Variants in MACF1 observed in about 807,000 individuals in gnomAD.
The protein encoded by MACF1 is microtubule-actin cross-linking factor 1.
A neutral mutation model predicts 854.8 loss-of-function variants in MACF1; 193 were observed. That is an observed-to-expected ratio of 0.23 (90% CI 0.20 to 0.25). MACF1 has a LOEUF of 0.25. Among genes scored for constraint, MACF1 ranks in the 10% least tolerant of loss-of-function variants. MACF1 has a pLI of 1.00. For synonymous variants in MACF1, 3,185 were observed against 3,226.7 expected (o/e 0.99, Z 0.44); for missense variants, 7,722 against 8,929.1 (o/e 0.86, Z 5.45).
rs573301716 is a variant in MACF1 at position 39,486,773 on chromosome 1, G to A, written c.*979G>A. The A allele has an allele frequency of 1.0e-4, 16 of 152,680 alleles. No homozygotes were observed. The highest frequency in any genetic ancestry group is 5.9e-4 in the Admixed American group (9 of 15,296). 9.5% of individuals were successfully genotyped at this position (152,680 alleles called of 1,614,324 possible). The stretch of plus-strand genomic sequence containing the variant: ...TTGTTAACCAGTCCTGTTTGCTTTC[G>A]TCTTTTTTTGTGCGTAATAAAGTCA... On this transcript the variant is annotated 3_prime_UTR_variant, in exon 101 of 101. Coordinates refer to ENST00000564288, the MANE Select transcript of MACF1 (RefSeq NM_001394062.1).
chr1:39,258,561 A>G (rs577951434), intron 6 of MACF1, among the ~76,000 whole-genome samples: 11 of 152,368 alleles, frequency 7.2e-5, no homozygotes, highest in African/African-American at 2.2e-4. Flanking sequence ...GAATATTCAC[A>G]TGGTCACATG....
intron 40 of MACF1, among the ~76,000 whole-genome samples, chr1:39,342,147 A>G (rs1304748452): frequency 3.3e-5 from 5 of 149,382 alleles, no homozygotes; most frequent in Admixed American, 2.0e-4. Flanking sequence ...AGAACATGCC[A>G]TATTTGGCTT....
chr1:39,326,005 A>T (rs1471007470), intron 35 of MACF1, among the ~76,000 whole-genome samples: 2 of 151,928 alleles, frequency 1.3e-5, no homozygotes, highest in South Asian at 2.1e-4. Context: ...AGCAGAAGAG[A>T]CTGGTGGTTT....
chr1:39,302,591 C>A (rs1302336316), intron 22 of MACF1, among the ~76,000 whole-genome samples: 1 of 152,134 alleles, frequency 6.6e-6, no homozygotes, highest in African/African-American at 2.4e-5. Context: ...TATTCACCTT[C>A]CATTAGTTTT....
At chr1:39,136,516 A>G (rs1409497220) in intron 2 of MACF1, among the ~76,000 whole-genome samples, 1 of 152,056 alleles carries the variant, frequency 6.6e-6, no homozygotes, top group East Asian at 1.9e-4. Flanking sequence ...GCCTGAGGGG[A>G]CTGCAGTGGC....
chr1:39,335,719 C>G lies in MACF1; in HGVS notation c.9131C>G (p.Ser3044Cys), dbSNP rs748076748. The change falls in exon 37 of 101, where the codon TCC becomes TGC. Residue 3044 changes from serine to cysteine, a missense_variant. By Grantham distance (112) the Ser-to-Cys change is moderately radical. Coordinates refer to ENST00000564288, the MANE Select transcript of MACF1 (RefSeq NM_001394062.1). ...TCTATTACTTTTAAAATTGAAGAGT[C>G]CTCTTCCCAAGTGGTACCTCAAGGA... ...GFSITFKIEE[S>C]SSQVVPQGIS... is the part of the protein sequence containing the mutation. 1 of 1,613,640 alleles carries G rather than the reference C, an allele frequency of 6.2e-7. No homozygotes were observed. The highest frequency in any genetic ancestry group is 1.1e-5 in the South Asian group (1 of 90,944).
chr1:39,423,973 T>C, intron 60 of MACF1, 55 bp from the exon 61 acceptor site: 1 of 1,441,190 alleles, frequency 6.9e-7, no homozygotes, highest in Non-Finnish European at 9.5e-7. Context: ...TCTTTCTTCC[T>C]AGTTCAGATT....
Position 39,387,582 on chromosome 1 carries a change from G to T in MACF1, c.14740G>T (p.Asp4914Tyr). 6.2e-7 allele frequency: 1 copy of T among 1,614,168 alleles called. No homozygotes were observed. Among genetic ancestry groups the T allele is most frequent in the Non-Finnish European group, 8.5e-7 (1 of 1,180,048 alleles). ...KAQKYQWHVE[D>Y]LVPWIEDCKA... ...TCAGAAATATCAGTGGCATGTGGAA[G>T]ACCTTGTGCCATGGATAGAAGATTG... The change falls in exon 58 of 101, where the codon GAC (aspartate) becomes TAC (tyrosine). Residue 4914 changes from aspartate (D) to tyrosine (Y), a missense_variant. Around this residue, in one of 15 missense-constraint regions of MACF1, gnomAD observed 2,807 missense variants for 3,235.8 expected, o/e 0.87. Transcript: ENST00000564288.
chr1:39,441,936 T>TA lies in MACF1; in HGVS notation c.18673-16_18673-15insA, dbSNP rs757478510. 8 of 1,599,508 alleles carry TA rather than the reference T, an allele frequency of 5.0e-6. No homozygotes were observed. In the South Asian group the frequency reaches 7.7e-5, roughly 15 times the overall value. Reference sequence around the variant, plus strand: ...CTTCTGGTTGTTTTTGACTGTTTACTTGTCTTTTGTTCTAGGCTATGTTTG... The same window carrying TA: ...CTTCTGGTTGTTTTTGACTGTTTACTATGTCTTTTGTTCTAGGCTATGTTTG... On this transcript the variant is annotated splice_polypyrimidine_tract_variant and intron_variant, in intron 74 of 100. Transcript: ENST00000564288.
At chr1:39,141,562 G>C (rs1461964288) in intron 2 of MACF1, among the ~76,000 whole-genome samples, 2 of 152,136 alleles carry the variant, frequency 1.3e-5, no homozygotes, top group East Asian at 1.9e-4. Flanking sequence ...ATATATCATA[G>C]GATTCTGACG....
chr1:39,150,159 A>T (rs1643548781), intron 2 of MACF1, among the ~76,000 whole-genome samples: 1 of 152,040 alleles, frequency 6.6e-6, no homozygotes, highest in African/African-American at 2.4e-5. Flanking sequence ...CTGGGGTTAC[A>T]GGCGCATGTC....
chr1:39,273,868 G>A (rs906435475), intron 6 of MACF1, among the ~76,000 whole-genome samples: 9 of 152,130 alleles, frequency 5.9e-5, no homozygotes, highest in African/African-American at 2.2e-4. Flanking sequence ...GGGATTACAG[G>A]CGTGAGCCAC....
intron 6 of MACF1, among the ~76,000 whole-genome samples, chr1:39,265,059 C>T (rs938719720): frequency 3.9e-5 from 6 of 152,178 alleles, no homozygotes; most frequent in Non-Finnish European, 8.8e-5. Context: ...ACTATAAACT[C>T]TTTATAGGCA....
intron 16 of MACF1, among the ~76,000 whole-genome samples, chr1:39,292,312 G>A (rs1241034315): frequency 6.6e-6 from 1 of 152,194 alleles, no homozygotes; most frequent in African/African-American, 2.4e-5. Context: ...AGTGGATGCA[G>A]CATCCAAACT....
chr1:39,333,196 TAAAG>T lies in MACF1; in HGVS notation c.6612_6615del (p.Lys2205LeufsTer2), dbSNP rs761745141. ...CAAAGCAAAAAGTTACAAGTTCAGG[TAAAG>T]AAAACTCTAGGTATAAAGTTAGAAC... On this transcript the variant is annotated frameshift_variant, in exon 37 of 101. Transcript: ENST00000564288. LOFTEE classifies it high-confidence loss of function. The T allele has an allele frequency of 6.2e-7, 1 of 1,612,394 alleles. No homozygotes were observed. Among genetic ancestry groups the T allele is most frequent in the Admixed American group, 1.7e-5 (1 of 59,664 alleles).
rs747442627 is a variant in MACF1 at position 39,380,228 on chromosome 1, G to A, written c.13519-16G>A. The A allele has an allele frequency of 2.5e-6, 4 of 1,609,018 alleles. No individual in the cohort carries two copies. In the African/African-American group the frequency reaches 5.4e-5, roughly 22 times the overall value. On this transcript the variant is annotated splice_polypyrimidine_tract_variant and intron_variant, in intron 54 of 100. Coordinates refer to ENST00000564288, the MANE Select transcript of MACF1 (RefSeq NM_001394062.1). ...TGTCCAGAATCTCATGGCATGCATG[G>A]CATTCTTTCTCCTAGGCCTTCCTGG... is the stretch of plus-strand genomic sequence containing the variant.
chr1:39,458,909 A>G (rs1400658046), intron 90 of MACF1, 177 bp from the exon 91 acceptor site: 2 of 604,540 alleles, frequency 3.3e-6, no homozygotes, highest in Non-Finnish European at 5.7e-6. Context: ...ATGTGCTGGG[A>G]GGATCAGTAC....
At chr1:39,271,594 C>T (rs560570171) in intron 6 of MACF1, among the ~76,000 whole-genome samples, 1 of 152,272 alleles carries the variant, frequency 6.6e-6, no homozygotes, top group South Asian at 2.1e-4. Context: ...ATGTCAAAGT[C>T]AACTTTTATC....
intron 2 of MACF1, among the ~76,000 whole-genome samples, chr1:39,122,200 A>G (rs1642731412): frequency 1.3e-5 from 2 of 151,774 alleles, no homozygotes; most frequent in Admixed American, 6.6e-5. Context: ...AACTACAGAA[A>G]GGTGATTATG....
Sources: allele counts gnomAD v4.1 joint callset (sites outside exome capture counted in the v4.1 genomes callset), GRCh38; gene constraint gnomAD v4.1.1; regional missense constraint gnomAD v4.1.1; transcripts MANE v1.5; gene names NCBI Gene and HGNC (gene_info 2026-07-23, HGNC 2026-07-21).